ANK2: variants seen among roughly 807,000 people sequenced by gnomAD.
ANK2 encodes the protein ankyrin 2.
A neutral mutation model predicts 360.5 loss-of-function variants in ANK2; 83 were observed. That is an observed-to-expected ratio of 0.23 (90% confidence interval 0.19 to 0.28). ANK2 has a LOEUF of 0.28. Ranked by LOEUF, ANK2 falls within the 10% of genes least tolerant of loss-of-function variation. The pLI is 1.00. For synonymous variants in ANK2, 1,740 were observed against 1,759.5 expected (o/e 0.99, Z 0.28); for missense variants, 4,201 against 4,795.7 (o/e 0.88, Z 3.66).
At chr4:112,903,684 G>T (rs992335523) in intron 1 of ANK2, among the ~76,000 whole-genome samples, 1 of 152,112 alleles carries the variant, frequency 6.6e-6, no homozygotes, top group Non-Finnish European at 1.5e-5. Flanking sequence ...CAAGATTTTG[G>T]CATTAAAAAC....
chr4:113,356,827 A>C lies in ANK2; in HGVS notation c.8209A>C (p.Lys2737Gln), dbSNP rs1419902437. ...QEEPGKSEEEKDSESHLAEDR... is the reference protein window; with the variant it reads ...QEEPGKSEEEQDSESHLAEDR... ...AGAGCCAGGCAAATCAGAAGAAGAA[A>C]AAGATTCTGAATCCCATTTAGCTGA... Residue 2737 changes from lysine (K) to glutamine (Q), a missense_variant, in exon 38 of 46, where the codon AAA becomes CAA. Lys to Gln is a moderately conservative substitution (Grantham distance 53, BLOSUM62 1). Coordinates refer to ENST00000357077, the MANE Select transcript of ANK2 (RefSeq NM_001148.6). 3.7e-6 allele frequency: 6 copies of C among 1,613,962 alleles called. No homozygotes were observed. The highest frequency in any genetic ancestry group is 5.1e-6 in the Non-Finnish European group (6 of 1,179,976).
chr4:113,164,313 A>G (rs1648536306), intron 1 of ANK2, among the ~76,000 whole-genome samples: 1 of 152,352 alleles, frequency 6.6e-6, no homozygotes, highest in Admixed American at 6.5e-5. Context: ...GTGCATCTTC[A>G]TGGGGCCACA....
chr4:112,788,411 G>A, the ANK2 span: 1 of 1,593,898 alleles, frequency 6.3e-7, no homozygotes, highest in Non-Finnish European at 8.5e-7. Context: ...CACGTCGGGT[G>A]CAATCACCAC....
At chr4:113,168,665 G>A (rs2097841299) in intron 1 of ANK2, among the ~76,000 whole-genome samples, 1 of 152,158 alleles carries the variant, frequency 6.6e-6, no homozygotes, top group South Asian at 2.1e-4. Flanking sequence ...AGTGTAAAGT[G>A]TTTTATATCA....
chr4:113,259,816 T>C (rs2051657619), intron 13 of ANK2, among the ~76,000 whole-genome samples: 1 of 150,646 alleles, frequency 6.6e-6, no homozygotes, highest in Admixed American at 6.6e-5. Context: ...TTTTTTCTTT[T>C]TTTTTTTTTT....
chr4:112,785,961 C>T, the ANK2 span, among the ~76,000 whole-genome samples: 2 of 152,062 alleles, frequency 1.3e-5, no homozygotes. Flanking sequence ...ATGCCTCAGC[C>T]TCCAGAGTAG....
At chr4:113,134,099 C>T (rs1465196275) in intron 1 of ANK2, among the ~76,000 whole-genome samples, 1 of 151,906 alleles carries the variant, frequency 6.6e-6, no homozygotes, top group Admixed American at 6.6e-5. Flanking sequence ...CTACTAGCAC[C>T]TCCAATGATC....
the ANK2 span, among the ~76,000 whole-genome samples, chr4:112,810,046 C>G: frequency 7.0e-6 from 1 of 143,768 alleles, no homozygotes; most frequent in African/African-American, 2.6e-5. Flanking sequence ...TTTTTTAAAG[C>G]ATTTGGAGGT....
At chr4:112,977,362 T>G (rs1165359498) in intron 2 of ANK2, among the ~76,000 whole-genome samples, 2 of 152,102 alleles carry the variant, frequency 1.3e-5, no homozygotes, top group Non-Finnish European at 2.9e-5. Context: ...AGAAAGTACT[T>G]TGGGAAATTC....
intron 1 of ANK2, among the ~76,000 whole-genome samples, chr4:112,833,200 T>C (rs1320281679): frequency 6.6e-6 from 1 of 152,238 alleles, no homozygotes; most frequent in East Asian, 1.9e-4. Flanking sequence ...TATAAAAAGT[T>C]TTAAACAGAA....
Position 113,066,225 on chromosome 4 carries a change from G to A in ANK2, c.84+16413G>A, listed in dbSNP as rs186765191. Among the ~76,000 whole-genome samples the A allele has an allele frequency of 5.4e-4, 82 of 152,234 alleles. 3 individuals are homozygous for A. The South Asian group carries it at 0.014, about 27-fold the overall frequency. On this transcript the variant is annotated intron_variant, in intron 1 of 45. Coordinates refer to ENST00000357077, the MANE Select transcript of ANK2 (RefSeq NM_001148.6). ...AAAACACACAGGCGTGCACGTGAGC[G>A]TGCTCTTAGGCCTCTTACAGTTTTT...
chr4:112,951,179 A>T (rs2094959725), intron 2 of ANK2, among the ~76,000 whole-genome samples: 1 of 152,024 alleles, frequency 6.6e-6, no homozygotes, highest in African/African-American at 2.4e-5. Context: ...ATGTACAGAG[A>T]TACATTTGGT....
rs575853958 is a variant in ANK2 at position 113,102,634 on chromosome 4, C to T, written c.84+52822C>T. On this transcript the variant is annotated intron_variant, in intron 1 of 45. Coordinates refer to ENST00000357077, the MANE Select transcript of ANK2 (RefSeq NM_001148.6). ...AACAGGAGAAAGTTGAGTGCCAGAA[C>T]TAAGAAAAGAAAATTCCAAAAGAAG... Among the ~76,000 whole-genome samples the T allele has an allele frequency of 7.2e-5, 11 of 152,138 alleles. No individual in the cohort carries two copies. The South Asian group carries it at 1.0e-3, about 14-fold the overall frequency.
chr4:113,378,814 T>C (rs1007271184), intron 45 of ANK2, among the ~76,000 whole-genome samples: 2 of 152,132 alleles, frequency 1.3e-5, no homozygotes, highest in South Asian at 2.1e-4. Flanking sequence ...GTCTCTGTTA[T>C]GGATTTGATG....
intron 20 of ANK2, among the ~76,000 whole-genome samples, chr4:113,288,700 T>C (rs929979418): frequency 6.6e-6 from 1 of 152,228 alleles, no homozygotes; most frequent in African/African-American, 2.4e-5. Context: ...ACTTCTATTA[T>C]AAAGTTAAAG....
At chr4:112,958,636 G>GGGAGAGGGAGAGGGGGGAGAGGGAGAT in intron 2 of ANK2, among the ~76,000 whole-genome samples, 2 of 151,954 alleles carry the variant, frequency 1.3e-5, no homozygotes, top group Non-Finnish European at 2.9e-5. Flanking sequence ...GAGAGGGAGA[G>GGGAGAGGGAGAGGGGGGAGAGGGAGAT]GGAGAGGGAG....
the ANK2 span, among the ~76,000 whole-genome samples, chr4:112,721,698 G>T: frequency 6.6e-6 from 1 of 152,132 alleles, no homozygotes. Flanking sequence ...TTTCAAAGGG[G>T]AAAGTAATAA....
Position 113,293,875 on chromosome 4 carries a change from G to A in ANK2, c.2475+337G>A, listed in dbSNP as rs2069380591. Reference sequence around the variant, plus strand: ...GTGTGACACCTACCGCTGGCAAAGCGGTAACACACTCCACTGCAAACTTAC... The same window carrying A: ...GTGTGACACCTACCGCTGGCAAAGCAGTAACACACTCCACTGCAAACTTAC... On this transcript the variant is annotated intron_variant, in intron 22 of 45. Coordinates refer to ENST00000357077, the MANE Select transcript of ANK2 (RefSeq NM_001148.6). Among the ~76,000 whole-genome samples the A allele has an allele frequency of 2.6e-5, 4 of 152,108 alleles. No individual in the cohort carries two copies. In the South Asian group the frequency reaches 6.2e-4, roughly 24 times the overall value.
At chr4:113,370,304 A>ATT (rs199985481) in intron 43 of ANK2, among the ~76,000 whole-genome samples, 9 of 149,414 alleles carry the variant, frequency 6.0e-5, no homozygotes, top group African/African-American at 1.5e-4. Context: ...TCCAAGTTAG[A>ATT]TTTTTTTTTT....
Sources: allele counts gnomAD v4.1 joint callset (sites outside exome capture counted in the v4.1 genomes callset), GRCh38; gene constraint gnomAD v4.1.1; transcripts MANE v1.5; gene names NCBI Gene and HGNC (gene_info 2026-07-23, HGNC 2026-07-21).